DCPH1: variants seen among roughly 807,000 people sequenced by gnomAD.
The protein encoded by DCPH1 is damage control phosphatase 1.
the DCPH1 span, chr6:151,458,516 GT>G: frequency 6.2e-7 from 1 of 1,611,690 alleles, no homozygotes. Flanking sequence ...TCTACTCACC[GT>G]GGTTGTTGGT....
At chr6:151,466,280 T>C in the DCPH1 span, among the ~76,000 whole-genome samples, 22 of 150,656 alleles carry the variant, frequency 1.5e-4, no homozygotes, top group East Asian at 4.1e-3. Flanking sequence ...TGCCTTATGC[T>C]TAGCCTTGGA....
chr6:151,469,168 A>G, the DCPH1 span: 2 of 1,434,096 alleles, frequency 1.4e-6, no homozygotes, highest in African/African-American at 2.9e-5. Context: ...TTTCATCCCC[A>G]GAAAAGGAGC....
the DCPH1 span, among the ~76,000 whole-genome samples, chr6:151,466,850 T>C: frequency 2.0e-5 from 3 of 152,186 alleles, no homozygotes; most frequent in African/African-American, 7.2e-5. Flanking sequence ...GTGGACACCA[T>C]TGTATGAATT....
the DCPH1 span, among the ~76,000 whole-genome samples, chr6:151,461,803 G>A: frequency 7.2e-5 from 11 of 152,186 alleles, no homozygotes; most frequent in African/African-American, 1.9e-4. Context: ...CTGGTTCAGC[G>A]AACAGATTGT....
chr6:151,463,645 AAAAC>A, the DCPH1 span, among the ~76,000 whole-genome samples: 1 of 152,232 alleles, frequency 6.6e-6, no homozygotes, highest in African/African-American at 2.4e-5. Context: ...GTTATTTAAA[AAAAC>A]AAAACAAAAC....
At chr6:151,457,718 T>C in the DCPH1 span, among the ~76,000 whole-genome samples, 1 of 152,136 alleles carries the variant, frequency 6.6e-6, no homozygotes, top group Admixed American at 6.6e-5. Flanking sequence ...GTTTATTCTC[T>C]ACATTTTATT....
chr6:151,452,534 T>C, the DCPH1 span: 2 of 1,611,598 alleles, frequency 1.2e-6, no homozygotes, highest in East Asian at 2.3e-5. Context: ...GCGGCCGGGA[T>C]CGCGGAAAGT....
At chr6:151,457,903 A>G in the DCPH1 span, among the ~76,000 whole-genome samples, 1 of 152,178 alleles carries the variant, frequency 6.6e-6, no homozygotes, top group East Asian at 1.9e-4. Context: ...TTGTCAGCAT[A>G]TGTCATCTCT....
the DCPH1 span, among the ~76,000 whole-genome samples, chr6:151,460,859 C>T: frequency 2.6e-5 from 4 of 152,028 alleles, no homozygotes; most frequent in Non-Finnish European, 5.9e-5. Context: ...AGCAGAACAG[C>T]AGAAGATGTA....
chr6:151,462,041 A>G, the DCPH1 span, among the ~76,000 whole-genome samples: 5 of 152,234 alleles, frequency 3.3e-5, no homozygotes, highest in Non-Finnish European at 1.5e-5. Context: ...TATAAAAGAC[A>G]TGTTTATATT....
the DCPH1 span, among the ~76,000 whole-genome samples, chr6:151,461,809 A>G: frequency 1.3e-5 from 2 of 152,240 alleles, no homozygotes; most frequent in African/African-American, 2.4e-5. Context: ...CAGCGAACAG[A>G]TTGTTAAATG....
the DCPH1 span, among the ~76,000 whole-genome samples, chr6:151,466,332 G>C: frequency 6.6e-6 from 1 of 151,172 alleles, no homozygotes; most frequent in Non-Finnish European, 1.5e-5. Context: ...TTGACTCCTA[G>C]CTAGCCCATT....
At chr6:151,454,082 A>C in the DCPH1 span, among the ~76,000 whole-genome samples, 1 of 152,206 alleles carries the variant, frequency 6.6e-6, no homozygotes, top group Admixed American at 6.5e-5. Context: ...AAACAGGCTT[A>C]AAAGTACCTT....
chr6:151,454,588 A>G, the DCPH1 span: 4 of 1,577,826 alleles, frequency 2.5e-6, no homozygotes, highest in African/African-American at 1.3e-5. Context: ...AATACCACAG[A>G]TCTTAACTAA....
At chr6:151,459,355 CTATTG>C in the DCPH1 span, among the ~76,000 whole-genome samples, 3 of 152,072 alleles carry the variant, frequency 2.0e-5, no homozygotes, top group Admixed American at 6.6e-5. Context: ...GTGAATCATA[CTATTG>C]TATTATAGTC....
At chr6:151,469,152 G>A in the DCPH1 span, 1 of 1,511,728 alleles carries the variant, frequency 6.6e-7, no homozygotes, top group African/African-American at 1.4e-5. Flanking sequence ...GATCTGGTGA[G>A]CACCTTTTCA....
chr6:151,461,008 A>T, the DCPH1 span, among the ~76,000 whole-genome samples: 1 of 152,200 alleles, frequency 6.6e-6, no homozygotes, highest in Non-Finnish European at 1.5e-5. Context: ...CATGGCTAGT[A>T]GGTGGTGGAA....
chr6:151,458,022 A>C, the DCPH1 span, among the ~76,000 whole-genome samples: 16,559 of 152,206 alleles, frequency 0.11, 915 homozygotes, highest in Middle Eastern at 0.18. Context: ...GTGAAAGAAG[A>C]ATATGTATGG....
the DCPH1 span, among the ~76,000 whole-genome samples, chr6:151,463,107 C>G: frequency 1.1e-4 from 17 of 152,300 alleles, no homozygotes; most frequent in African/African-American, 4.1e-4. Context: ...ACTTTGTTTT[C>G]AGCCATTCAA....
Sources: allele counts gnomAD v4.1 joint callset (sites outside exome capture counted in the v4.1 genomes callset), GRCh38; gene constraint gnomAD v4.1.1; transcripts MANE v1.5; gene names NCBI Gene and HGNC (gene_info 2026-07-23, HGNC 2026-07-21).